The following COL23A1 variants were observed in gnomAD, a reference collection of about 807,000 sequenced individuals.
COL23A1 encodes the protein collagen type XXIII alpha 1 chain.
In COL23A1, 97 loss-of-function variants were observed where a neutral mutation model predicts 99.3. The ratio of observed to expected loss-of-function variants is 0.98; its 90% CI spans 0.83 to 1.16. COL23A1 has a LOEUF of 1.16. Among genes scored for constraint, COL23A1 ranks in the 50% most tolerant of loss-of-function variants. The pLI is 0.00. For missense variants in COL23A1, 762 were observed against 757.4 expected (o/e 1.01, Z -0.07); for synonymous variants, 320 against 308.2 (o/e 1.04, Z -0.40).
At chr5:178,342,681 C>A (rs375569595) in intron 2 of COL23A1, among the ~76,000 whole-genome samples, 1 of 152,122 alleles carries the variant, frequency 6.6e-6, no homozygotes, top group Non-Finnish European at 1.5e-5. Context: ...CAGGATAATG[C>A]CTCATCCCAA....
intron 2 of COL23A1, among the ~76,000 whole-genome samples, chr5:178,394,776 AG>A (rs68142417): frequency 0.32 from 49,025 of 152,108 alleles, 9,024 homozygotes; most frequent in Non-Finnish European, 0.42. Flanking sequence ...TAGCAGGGCT[AG>A]AATTACAAGG....
At chr5:178,471,682 CA>C (rs1476629443) in intron 2 of COL23A1, among the ~76,000 whole-genome samples, 3 of 152,160 alleles carry the variant, frequency 2.0e-5, no homozygotes, top group African/African-American at 4.8e-5. Context: ...CCAACCAAGC[CA>C]AAGCTGTGCC....
At chr5:178,457,038 G>T (rs1267805653) in intron 2 of COL23A1, among the ~76,000 whole-genome samples, 1 of 152,118 alleles carries the variant, frequency 6.6e-6, no homozygotes, top group Non-Finnish European at 1.5e-5. Context: ...GTTAATCATG[G>T]TGCAGGGATA....
At chr5:178,557,718 C>T (rs557268656) in intron 2 of COL23A1, among the ~76,000 whole-genome samples, 172 of 152,224 alleles carry the variant, frequency 1.1e-3, no homozygotes, top group African/African-American at 3.9e-3. Context: ...TCCAAAAGCC[C>T]GAGGGACACG....
At chr5:178,451,716 C>A (rs1581414919) in intron 2 of COL23A1, among the ~76,000 whole-genome samples, 1 of 145,120 alleles carries the variant, frequency 6.9e-6, no homozygotes, top group East Asian at 2.0e-4. Flanking sequence ...GTAAAGACAA[C>A]AGCCAGTGAT....
intron 2 of COL23A1, among the ~76,000 whole-genome samples, chr5:178,336,961 T>C (rs1158163792): frequency 6.8e-6 from 1 of 147,816 alleles, no homozygotes; most frequent in Non-Finnish European, 1.5e-5. Context: ...AGGCGTGGGT[T>C]TGCACTTGCA....
rs181336842 is a variant in COL23A1, at chr5:178,334,311, T to C, written c.362-27392A>G. On this transcript the variant is annotated intron_variant, in intron 2 of 28. Transcript: ENST00000390654. ...CAACAATTCTCTGAGATCAGTCTCA[T>C]GACGTGCCCAAAGCACATGCCTGGA... Among the ~76,000 whole-genome samples the C allele has an allele frequency of 3.1e-4, 47 of 152,330 alleles. 1 individual carries two copies. The highest frequency in any genetic ancestry group is 8.4e-4 in the African/African-American group (35 of 41,584).
chr5:178,327,302 G>T (rs942382136), intron 2 of COL23A1, among the ~76,000 whole-genome samples: 3 of 152,178 alleles, frequency 2.0e-5, no homozygotes, highest in African/African-American at 7.2e-5. Flanking sequence ...TGTGGGAAAC[G>T]CTATTAGAGA....
intron 2 of COL23A1, among the ~76,000 whole-genome samples, chr5:178,453,388 C>G (rs1767597598): frequency 6.6e-6 from 1 of 152,084 alleles, no homozygotes; most frequent in African/African-American, 2.4e-5. Context: ...GATGGAGCAC[C>G]CTTTCTTCTT....
intron 2 of COL23A1, among the ~76,000 whole-genome samples, chr5:178,410,653 G>C (rs1370384545): frequency 6.6e-6 from 1 of 152,104 alleles, no homozygotes; most frequent in Non-Finnish European, 1.5e-5. Flanking sequence ...TATAACATCT[G>C]TAACTACAAA....
At chr5:178,523,197 T>C (rs867142463) in intron 2 of COL23A1, among the ~76,000 whole-genome samples, 5 of 73,758 alleles carry the variant, frequency 6.8e-5, no homozygotes, top group African/African-American at 2.3e-4. Flanking sequence ...TATATATATA[T>C]ATATAGAGAG....
chr5:178,447,484 A>G (rs1767226807), intron 2 of COL23A1, among the ~76,000 whole-genome samples: 1 of 152,180 alleles, frequency 6.6e-6, no homozygotes, highest in Admixed American at 6.5e-5. Flanking sequence ...CACTTTTTCT[A>G]TGTTTAGGTG....
At chr5:178,382,027 C>T (rs1249433306) in intron 2 of COL23A1, among the ~76,000 whole-genome samples, 2 of 152,126 alleles carry the variant, frequency 1.3e-5, no homozygotes, top group Admixed American at 1.3e-4. Context: ...CCTCGAGTCT[C>T]CATGTGAGAT....
intron 2 of COL23A1, among the ~76,000 whole-genome samples, chr5:178,444,837 A>G (rs1767071898): frequency 6.6e-6 from 1 of 152,170 alleles, no homozygotes; most frequent in African/African-American, 2.4e-5. Flanking sequence ...CCACACTACA[A>G]GTTCTTTAAG....
At chr5:178,511,586 C>T (rs1015185179) in intron 2 of COL23A1, among the ~76,000 whole-genome samples, 2 of 152,188 alleles carry the variant, frequency 1.3e-5, no homozygotes, top group Non-Finnish European at 2.9e-5. Flanking sequence ...TCCCAGTTCC[C>T]GGAGTAAGCC....
chr5:178,418,569 CCCCCACTCAAA>C (rs1394169806), intron 2 of COL23A1, among the ~76,000 whole-genome samples: 1 of 152,262 alleles, frequency 6.6e-6, no homozygotes, highest in Non-Finnish European at 1.5e-5. Context: ...ACCTACTCAA[CCCCCACTCAAA>C]CCCACTGGTG....
chr5:178,530,035 A>C (rs1274883507), intron 2 of COL23A1, among the ~76,000 whole-genome samples: 5 of 152,378 alleles, frequency 3.3e-5, no homozygotes, highest in African/African-American at 1.2e-4. Flanking sequence ...TCTTGCCCTG[A>C]GAAGTCTAGC....
intron 2 of COL23A1, among the ~76,000 whole-genome samples, chr5:178,460,560 C>T (rs999773615): frequency 1.3e-5 from 2 of 152,152 alleles, no homozygotes; most frequent in African/African-American, 2.4e-5. Context: ...CCTGGTGTGG[C>T]TCTCTCCTCT....
At chr5:178,419,414 C>T (rs1197236058) in intron 2 of COL23A1, among the ~76,000 whole-genome samples, 2 of 152,252 alleles carry the variant, frequency 1.3e-5, no homozygotes. Flanking sequence ...CGACAGTAAA[C>T]ACTGACTGCA....
Sources: gnomAD v4.1 joint callset for allele counts (sites outside exome capture counted in the v4.1 genomes callset) on GRCh38, gnomAD v4.1.1 for gene constraint, MANE v1.5 for transcripts, NCBI Gene and HGNC (gene_info 2026-07-23, HGNC 2026-07-21) for gene names.